Variants in ARFIP1 observed in about 807,000 individuals in gnomAD.
ARFIP1 encodes the protein arfaptin-1.
Under a neutral mutation model 42.5 loss-of-function variants are expected in ARFIP1, and 24 were observed. That is an observed-to-expected ratio of 0.57 (90% CI 0.41 to 0.80). The LOEUF (loss-of-function observed/expected upper bound fraction) is 0.80, where lower values mean the gene tolerates loss of function less well. ARFIP1 is among the 30% of genes least tolerant of loss of function. The probability of loss-of-function intolerance (pLI) is 0.00; values close to 1 mark genes in which losing one functional copy is unlikely to be tolerated. For synonymous variants in ARFIP1, 141 were observed against 153.7 expected (o/e 0.92, Z 0.61); for missense variants, 354 against 434.0 (o/e 0.82, Z 1.64).
intron 2 of ARFIP1, among the ~76,000 whole-genome samples, chr4:152,862,228 T>C (rs1733951637): frequency 6.6e-6 from 1 of 152,186 alleles, no homozygotes; most frequent in Non-Finnish European, 1.5e-5. Flanking sequence ...AGATGAACCC[T>C]TCCTAACCCT....
intron 2 of ARFIP1, among the ~76,000 whole-genome samples, chr4:152,847,998 TG>T (rs1011800934): frequency 1.3e-5 from 2 of 152,316 alleles, no homozygotes; most frequent in African/African-American, 2.4e-5. Flanking sequence ...TAGGACCCCC[TG>T]AACCCTGCAT....
intron 2 of ARFIP1, among the ~76,000 whole-genome samples, chr4:152,852,631 CAA>C (rs757932170): frequency 2.8e-5 from 3 of 109,038 alleles, no homozygotes. Context: ...GACTCCGTCT[CAA>C]AAAAAAAAAA....
chr4:152,805,242 C>T (rs1037138368), intron 1 of ARFIP1, among the ~76,000 whole-genome samples: 3 of 152,178 alleles, frequency 2.0e-5, no homozygotes, highest in Admixed American at 2.0e-4. Context: ...GATTGTAAAT[C>T]TGATGTCAAG....
chr4:152,820,592 A>G (rs1399909268), intron 1 of ARFIP1, among the ~76,000 whole-genome samples: 2 of 152,142 alleles, frequency 1.3e-5, no homozygotes, highest in African/African-American at 2.4e-5. Flanking sequence ...GGCACATCCT[A>G]TATGGCTGGA....
intron 2 of ARFIP1, 117 bp from the exon 3 acceptor site, chr4:152,863,489 C>A: frequency 1.7e-6 from 1 of 587,180 alleles, no homozygotes; most frequent in Non-Finnish European, 3.0e-6. Context: ...AAGGGAATAC[C>A]GCATAGCAGA....
intron 8 of ARFIP1, among the ~76,000 whole-genome samples, chr4:152,902,124 A>G (rs1424807478): frequency 6.6e-6 from 1 of 152,264 alleles, no homozygotes; most frequent in Non-Finnish European, 1.5e-5. Context: ...ATCCCAATCC[A>G]TCTATCACCT....
rs891161426 is a variant in ARFIP1 at position 152,910,302 on chromosome 4, T to G, written c.*83T>G. 1.4e-5 allele frequency: 21 copies of G among 1,455,182 alleles called. No individual in the cohort carries two copies. In the African/African-American group the frequency reaches 2.7e-4, roughly 19 times the overall value. 90.1% of individuals were successfully genotyped at this position (1,455,182 alleles called of 1,614,324 possible). ...AAGAATTAAGCAGAGTTGGGGGAAG[T>G]GGGAGGGGTGACAAGCATTATAGTG... On this transcript the variant is annotated 3_prime_UTR_variant, in exon 9 of 9. Coordinates refer to ENST00000353617, the MANE Select transcript of ARFIP1 (RefSeq NM_001025595.3).
chr4:152,866,967 C>T (rs1296754413), intron 3 of ARFIP1, among the ~76,000 whole-genome samples: 2 of 151,440 alleles, frequency 1.3e-5, no homozygotes, highest in East Asian at 3.9e-4. Flanking sequence ...TCCTCACTTC[C>T]TAGATGGGAT....
In ARFIP1 at chr4:152,799,287, C is replaced by T. The variant is rs568539131; in HGVS notation, c.-10+19061C>T. On this transcript the variant is annotated intron_variant, in intron 1 of 8. Transcript: ENST00000353617. ...ATACAAATAAATTAGTTATTATTTTCCCCATTTTTTAGTTGAACAAATTTA... is the reference window on the plus strand; with the variant it reads ...ATACAAATAAATTAGTTATTATTTTTCCCATTTTTTAGTTGAACAAATTTA... Among the ~76,000 whole-genome samples, 10 of 152,106 alleles carry T rather than the reference C, an allele frequency of 6.6e-5. No homozygotes were observed. In the South Asian group the frequency reaches 1.5e-3, roughly 22 times the overall value.
At chr4:152,830,864 G>A (rs1171238703) in intron 2 of ARFIP1, among the ~76,000 whole-genome samples, 3 of 152,170 alleles carry the variant, frequency 2.0e-5, no homozygotes, top group African/African-American at 7.2e-5. Flanking sequence ...AAATAGATCG[G>A]TTTAAATAAT....
At chr4:152,823,776 CAAAAAAAAAAAAAA>C (rs66556811) in intron 1 of ARFIP1, among the ~76,000 whole-genome samples, 4 of 63,142 alleles carry the variant, frequency 6.3e-5, no homozygotes, top group African/African-American at 2.7e-4. Context: ...GTCTCCATCT[CAAAAAAAAAAAAAA>C]AAAAAAAAAA....
At chr4:152,906,507 C>A (rs972210225) in intron 8 of ARFIP1, among the ~76,000 whole-genome samples, 1 of 152,212 alleles carries the variant, frequency 6.6e-6, no homozygotes, top group Non-Finnish European at 1.5e-5. Flanking sequence ...TTGGCTTCAT[C>A]TTCACATTAT....
At chr4:152,907,976 AT>A (rs1264625534) in intron 8 of ARFIP1, among the ~76,000 whole-genome samples, 1 of 152,228 alleles carries the variant, frequency 6.6e-6, no homozygotes, top group Non-Finnish European at 1.5e-5. Context: ...TTCAAAAACA[AT>A]TGTACATATT....
intron 8 of ARFIP1, among the ~76,000 whole-genome samples, chr4:152,903,342 C>T (rs1217597281): frequency 6.6e-6 from 1 of 152,118 alleles, no homozygotes; most frequent in Non-Finnish European, 1.5e-5. Flanking sequence ...GCTTGTACTA[C>T]ATTACAGTAA....
chr4:152,815,784 G>A (rs1049017791), intron 1 of ARFIP1, among the ~76,000 whole-genome samples: 1 of 119,566 alleles, frequency 8.4e-6, no homozygotes, highest in African/African-American at 3.2e-5. Flanking sequence ...TCGCTCTGTC[G>A]CCCAGGCTGG....
intron 8 of ARFIP1, among the ~76,000 whole-genome samples, chr4:152,906,187 T>C (rs1738344798): frequency 6.6e-6 from 1 of 152,216 alleles, no homozygotes; most frequent in African/African-American, 2.4e-5. Flanking sequence ...ACTTAATCCT[T>C]GAATCACTTC....
chr4:152,840,427 G>C (rs1731965818), intron 2 of ARFIP1, among the ~76,000 whole-genome samples: 1 of 152,150 alleles, frequency 6.6e-6, no homozygotes, highest in Admixed American at 6.5e-5. Flanking sequence ...AAATTTGGGA[G>C]CTCCAGTGTT....
intron 8 of ARFIP1, among the ~76,000 whole-genome samples, chr4:152,897,342 A>G (rs1477769822): frequency 2.3e-4 from 35 of 151,940 alleles, no homozygotes; most frequent in Non-Finnish European, 1.2e-4. Context: ...CAGTTATGCT[A>G]AGATTCCGGC....
intron 1 of ARFIP1, among the ~76,000 whole-genome samples, chr4:152,812,458 C>T (rs1441584261): frequency 6.6e-6 from 1 of 152,238 alleles, no homozygotes; most frequent in African/African-American, 2.4e-5. Context: ...TCCCAAAGTG[C>T]TGGGATTGTA....
Sources: allele counts gnomAD v4.1 joint callset (sites outside exome capture counted in the v4.1 genomes callset), GRCh38; gene constraint gnomAD v4.1.1; transcripts MANE v1.5; gene names NCBI Gene and HGNC (gene_info 2026-07-23, HGNC 2026-07-21).